The following DNAJB1 variants were observed in gnomAD, a reference collection of about 807,000 sequenced individuals.
DNAJB1 encodes the protein DnaJ heat shock protein family (Hsp40) member B1, also known as dnaJ homolog subfamily B member 1.
DNAJB1 carries 14 observed loss-of-function variants against 24.0 expected under a neutral mutation model. That is an observed-to-expected ratio of 0.58 (90% CI 0.39 to 0.91). The LOEUF (loss-of-function observed/expected upper bound fraction) is 0.91. Among genes scored for constraint, DNAJB1 ranks in the 40% least tolerant of loss-of-function variants. DNAJB1 has a pLI of 0.00. For synonymous variants in DNAJB1, 262 were observed against 174.4 expected (o/e 1.50, Z -3.96); for missense variants, 517 against 458.1 (o/e 1.13, Z -1.17).
chr19:14,547,842 G>T (rs1417232817), intron 1 of DNAJB1, among the ~76,000 whole-genome samples: 1 of 149,760 alleles, frequency 6.7e-6, no homozygotes, highest in East Asian at 2.0e-4. Context: ...GTTTTTTTTT[G>T]GTAGAAATGG....
At chr19:14,519,431 C>G (rs977691706), upstream of DNAJB1, among the ~76,000 whole-genome samples, 19 of 152,246 alleles carry the variant, frequency 1.2e-4, no homozygotes, top group African/African-American at 4.1e-4. Context: ...CGCTATTCTC[C>G]CAACCGTGGG....
chr19:14,546,591 A>G (rs954514510), intron 1 of DNAJB1, among the ~76,000 whole-genome samples: 6 of 152,160 alleles, frequency 3.9e-5, no homozygotes, highest in African/African-American at 2.4e-5. Context: ...GGCTCTCACT[A>G]TCTTGGCCTG....
At chr19:14,529,914 C>A (rs559207042), upstream of DNAJB1, 1 of 739,738 alleles carries the variant, frequency 1.4e-6, no homozygotes, top group Non-Finnish European at 2.3e-6. Flanking sequence ...AATCTGCAAC[C>A]CAGGCTGTTT....
At chr19:14,528,397 G>A (rs1335284869) in intron 1 of DNAJB1, among the ~76,000 whole-genome samples, 3 of 151,414 alleles carry the variant, frequency 2.0e-5, no homozygotes, top group African/African-American at 4.9e-5. Context: ...GTACCACCAC[G>A]CCCGGCTAAT....
chr19:14,549,358 A>T (rs111560024), intron 1 of DNAJB1, among the ~76,000 whole-genome samples: 2 of 151,752 alleles, frequency 1.3e-5, no homozygotes, highest in African/African-American at 4.8e-5. Context: ...GACTACAGGC[A>T]TGCGCCACCA....
At position 14,516,578 on chromosome 19, in the gene DNAJB1, G is replaced by C; in HGVS notation, c.680C>G (p.Thr227Ser). Residue 227 changes from threonine (T) to serine (S), a missense_variant, in exon 2 of 3, where the codon ACC (threonine) becomes AGC (serine). Coordinates refer to ENST00000254322, the MANE Select transcript of DNAJB1 (RefSeq NM_006145.3). ...KITFPKEGDQ[T>S]SNNIPADIVF... ...GATATCAGCTGGAATGTTGTTGGAG[G>C]TCTGGTCTCCTTCCTTGGGGAAAGT... 6.2e-7 allele frequency: 1 copy of C among 1,614,192 alleles called. No homozygotes were observed. The highest frequency in any genetic ancestry group is 8.5e-7 in the Non-Finnish European group (1 of 1,180,040).
intron 1 of DNAJB1, among the ~76,000 whole-genome samples, chr19:14,543,469 C>G (rs1241361275): frequency 1.4e-3 from 135 of 94,028 alleles, no homozygotes; most frequent in African/African-American, 4.6e-3. Context: ...GACGGAGTCT[C>G]GCTCTGTCGC....
chr19:14,545,009 C>T, intron 1 of DNAJB1: 1 of 443,126 alleles, frequency 2.3e-6, no homozygotes, highest in Non-Finnish European at 4.6e-6. Flanking sequence ...CTTCTCTGTT[C>T]CCTCCCTGGT....
intron 1 of DNAJB1, among the ~76,000 whole-genome samples, chr19:14,547,174 G>A (rs955647473): frequency 1.3e-5 from 2 of 151,930 alleles, no homozygotes; most frequent in African/African-American, 4.8e-5. Flanking sequence ...AAGGGATAAT[G>A]GTAGGTTTCA....
chr19:14,530,121 A>C, upstream of DNAJB1: 1 of 302,402 alleles, frequency 3.3e-6, no homozygotes, highest in Non-Finnish European at 6.5e-6. Flanking sequence ...CTTTGCTATC[A>C]GTATTCTTGT....
chr19:14,533,099 G>A (rs2072733950), upstream of DNAJB1, among the ~76,000 whole-genome samples: 1 of 146,396 alleles, frequency 6.8e-6, no homozygotes, highest in Admixed American at 6.9e-5. Context: ...GTGACAGAGC[G>A]AGACTCTGTT....
chr19:14,537,568 AG>A (rs2072946761), intron 1 of DNAJB1, among the ~76,000 whole-genome samples: 1 of 152,092 alleles, frequency 6.6e-6, no homozygotes, highest in Non-Finnish European at 1.5e-5. Context: ...TGGCTGCGTG[AG>A]AAAGGCCAGA....
At chr19:14,553,230 C>T (rs2073600023), upstream of DNAJB1, among the ~76,000 whole-genome samples, 1 of 152,304 alleles carries the variant, frequency 6.6e-6, no homozygotes, top group Admixed American at 6.5e-5. Context: ...GCTCCAGCTT[C>T]TCCGGGTCCC....
chr19:14,517,965 C>T (rs1379784808), intron 1 of DNAJB1, 174 bp downstream of exon 1: 1 of 612,844 alleles, frequency 1.6e-6, no homozygotes, highest in East Asian at 3.5e-5. Context: ...AAGGCTCCTC[C>T]TCCCACCGCG....
upstream of DNAJB1, chr19:14,518,478 C>CCCG: frequency 1.5e-6 from 1 of 683,270 alleles, no homozygotes; most frequent in East Asian, 3.4e-5. Context: ...AACCTTCCGC[C>CCCG]CCGCCCGCCC....
At chr19:14,529,824 C>T (rs1568389117), upstream of DNAJB1, 7 of 1,495,640 alleles carry the variant, frequency 4.7e-6, no homozygotes, top group Admixed American at 3.6e-5. Flanking sequence ...AAGAGCCAGA[C>T]GGCGCAGGCG....
rs777556232 is a variant in DNAJB1 at position 14,518,367 on chromosome 19, C to T, written c.-18G>A. ...TTACCCATGACCCCCTCCTGCGGCC[C>T]GCCGACCCGCTGTCGCCGTCCCCCG... On this transcript the variant is annotated 5_prime_UTR_variant, in exon 1 of 3. Coordinates refer to ENST00000254322, the MANE Select transcript of DNAJB1 (RefSeq NM_006145.3). 1.1e-5 allele frequency: 17 copies of T among 1,533,698 alleles called. No homozygotes were observed. Among genetic ancestry groups the T allele is most frequent in the Non-Finnish European group, 1.3e-5 (15 of 1,150,068 alleles).
rs770003509 is a variant in DNAJB1 at position 14,518,122 on chromosome 19, T to A, written c.211+17A>T. 6.8e-7 allele frequency: 1 copy of A among 1,478,014 alleles called. No homozygotes were observed. The highest frequency in any genetic ancestry group is 9.0e-7 in the Non-Finnish European group (1 of 1,115,028). 91.6% of individuals were successfully genotyped at this position (1,478,014 alleles called of 1,614,324 possible). A position where few individuals can be genotyped will look rare whatever the true frequency, so the allele number is the denominator to read the frequency against. On this transcript the variant is annotated intron_variant, in intron 1 of 2. Transcript: ENST00000254322. ...CTGTCAAAAGGCGGGGCCGCGCCCC[T>A]GGCCGCGAGCACACACCTTCCTCCC... is the stretch of plus-strand genomic sequence containing the variant.
At position 14,516,866 on chromosome 19, in the gene DNAJB1, A is replaced by C. The variant is rs575725653; in HGVS notation, c.392T>G (p.Phe131Cys). Residue 131 changes from phenylalanine (F) to cysteine (C), a missense_variant, in exon 2 of 3, where the codon TTC (phenylalanine) becomes TGC (cysteine). Transcript: ENST00000254322. Reference protein sequence around the residue: ...GEEGMDIDDPFSGFPMGMGGF... With the variant: ...GEEGMDIDDPCSGFPMGMGGF... ...ACCCATGCCCATAGGGAAGCCAGAGAATGGGTCATCAATGTCCATGCCTTC... is the reference window on the plus strand; with the variant it reads ...ACCCATGCCCATAGGGAAGCCAGAGCATGGGTCATCAATGTCCATGCCTTC... 6.2e-7 allele frequency: 1 copy of C among 1,614,134 alleles called. No individual in the cohort carries two copies. Among genetic ancestry groups the C allele is most frequent in the Non-Finnish European group, 8.5e-7 (1 of 1,180,028 alleles).
Sources: gnomAD v4.1 joint callset for allele counts (sites outside exome capture counted in the v4.1 genomes callset) on GRCh38, gnomAD v4.1.1 for gene constraint, MANE v1.5 for transcripts, NCBI Gene and HGNC (gene_info 2026-07-23, HGNC 2026-07-21) for gene names.